The following LAMB1 variants were observed in gnomAD, a reference collection of about 807,000 sequenced individuals.
LAMB1 encodes laminin subunit beta 1.
Under a neutral mutation model 222.3 loss-of-function variants are expected in LAMB1, and 121 were observed. The observed-to-expected ratio is 0.54, with a 90% CI of 0.47 to 0.63. The LOEUF (loss-of-function observed/expected upper bound fraction) is 0.63, where lower values mean the gene tolerates loss of function less well. Ranked by LOEUF, LAMB1 falls within the 30% of genes least tolerant of loss-of-function variation. The pLI, the probability that LAMB1 is intolerant of heterozygous loss-of-function variation, is 0.00. For missense variants in LAMB1, 2,172 were observed against 2,240.8 expected (o/e 0.97, Z 0.62); for synonymous variants, 794 against 807.2 (o/e 0.98, Z 0.28).
intron 24 of LAMB1, among the ~76,000 whole-genome samples, chr7:107,949,611 C>A (rs1341521029): frequency 2.6e-5 from 4 of 152,136 alleles, no homozygotes; most frequent in African/African-American, 9.7e-5. Context: ...CATTAAGAAC[C>A]AAATTTGGAG....
At chr7:108,001,944 C>A in intron 2 of LAMB1, 1 of 1,454,842 alleles carries the variant, frequency 6.9e-7, no homozygotes, top group South Asian at 1.5e-5. Flanking sequence ...GAAAGAAACC[C>A]ACACACGTCA....
intron 29 of LAMB1, 135 bp downstream of exon 29, chr7:107,931,221 A>T: frequency 1.4e-6 from 1 of 727,956 alleles, no homozygotes; most frequent in Non-Finnish European, 2.2e-6. Context: ...AAGAAGTGGA[A>T]ACATTTAATA....
intron 22 of LAMB1, among the ~76,000 whole-genome samples, 184 bp downstream of exon 22, chr7:107,953,346 G>GA (rs2033300069): frequency 7.2e-6 from 1 of 138,594 alleles, no homozygotes; most frequent in African/African-American, 2.8e-5. Context: ...GATAGAGTGA[G>GA]ACTCTGTCTC....
chr7:107,947,421 A>G (rs188487637), intron 24 of LAMB1, among the ~76,000 whole-genome samples: 2 of 152,300 alleles, frequency 1.3e-5, no homozygotes, highest in East Asian at 3.9e-4. Context: ...TTCTTTTTGC[A>G]TAGTTCCATC....
Position 108,003,000 on chromosome 7 carries a change from G to A in LAMB1, c.-86-29C>T, listed in dbSNP as rs566846056. On this transcript the variant is annotated intron_variant, in intron 1 of 33. Coordinates refer to ENST00000222399, the MANE Select transcript of LAMB1 (RefSeq NM_002291.3). ...GAGAGGTGGAAAGGAGGGGAAAAAAGGCAAATGTTCAAAGAGAGAAGAGGC... is the reference window on the plus strand; with the variant it reads ...GAGAGGTGGAAAGGAGGGGAAAAAAAGCAAATGTTCAAAGAGAGAAGAGGC... 1.5e-5 allele frequency: 23 copies of A among 1,555,700 alleles called. No individual in the cohort carries two copies. In the East Asian group the frequency reaches 4.9e-4, roughly 33 times the overall value.
intron 24 of LAMB1, among the ~76,000 whole-genome samples, chr7:107,950,744 T>G (rs1024800888): frequency 2.0e-5 from 3 of 152,236 alleles, no homozygotes; most frequent in Non-Finnish European, 4.4e-5. Flanking sequence ...CAGAGTCTAG[T>G]TGATCCACTG....
intron 9 of LAMB1, 35 bp from the exon 10 acceptor site, chr7:107,975,912 T>C: frequency 1.3e-6 from 2 of 1,589,872 alleles, no homozygotes; most frequent in Non-Finnish European, 1.7e-6. Context: ...AAAAGCTTTT[T>C]AAATCTATGG....
intron 31 of LAMB1, among the ~76,000 whole-genome samples, chr7:107,927,299 A>G (rs1457006054): frequency 6.6e-6 from 1 of 152,154 alleles, no homozygotes; most frequent in Non-Finnish European, 1.5e-5. Flanking sequence ...GTTTAGTTAG[A>G]GGTTCTCTTT....
Position 107,994,931 on chromosome 7 carries a change from A to C in LAMB1, c.379T>G (p.Leu127Val), listed in dbSNP as rs771267886. The C allele has an allele frequency of 3.7e-6, 6 of 1,603,188 alleles. No homozygotes were observed. The South Asian group carries it at 6.6e-5, about 18-fold the overall frequency. ...TGAGTAAAATGGAATTCTGCTTCCA[A>C]ATCCAGTTGGATAGTTACATTTTCC... The part of the protein sequence containing the change: ...GVENVTIQLD[L>V]EAEFHFTHLI... The change falls in exon 5 of 34, where the codon TTG becomes GTG. Residue 127 changes from leucine (L) to valine (V), a missense_variant. Coordinates refer to ENST00000222399, the MANE Select transcript of LAMB1 (RefSeq NM_002291.3).
chr7:107,938,789 G>A (rs1487710061), intron 25 of LAMB1, among the ~76,000 whole-genome samples: 2 of 152,164 alleles, frequency 1.3e-5, no homozygotes, highest in African/African-American at 2.4e-5. Flanking sequence ...TAAATGCATT[G>A]TCACTCTACA....
At chr7:107,967,587 C>G (rs2033660823) in intron 13 of LAMB1, among the ~76,000 whole-genome samples, 1 of 152,194 alleles carries the variant, frequency 6.6e-6, no homozygotes, top group African/African-American at 2.4e-5. Context: ...CAATGAGCCA[C>G]ACTCCTCATA....
rs1286077249 is a variant in LAMB1, at chr7:107,929,255, T to A, written c.4746-50A>T. ...ATATTGTTGCTGAACATGAAAAAAG[T>A]ACTCTCAGTGTTCTTTTCTTTAAAG... On this transcript the variant is annotated intron_variant, in intron 30 of 33. Transcript: ENST00000222399. 7 of 1,597,246 alleles carry A rather than the reference T, an allele frequency of 4.4e-6. No homozygotes were observed. In the Admixed American group the frequency reaches 8.4e-5, roughly 19 times the overall value.
chr7:107,961,509 T>C (rs1361260349), intron 16 of LAMB1, 40 bp downstream of exon 16: 1 of 1,598,604 alleles, frequency 6.3e-7, no homozygotes. Flanking sequence ...CTAATTTGCA[T>C]ATGAAGCCCG....
chr7:107,986,001 TTTG>T lies in LAMB1; in HGVS notation c.676+18_676+20del, dbSNP rs750965056. The T allele has an allele frequency of 3.0e-5, 47 of 1,569,528 alleles. No individual in the cohort carries two copies. Among genetic ancestry groups the T allele is most frequent in the Non-Finnish European group, 4.0e-5 (46 of 1,142,238 alleles). ...AACAAACAAACTAACAAAAAACACT[TTTG>T]TTTGAAAATGAACTTACTCTGTATC... On this transcript the variant is annotated intron_variant, in intron 7 of 33. Transcript: ENST00000222399.
At chr7:107,937,440 T>G (rs549568767) in intron 25 of LAMB1, among the ~76,000 whole-genome samples, 163 bp from the exon 26 acceptor site, 14 of 152,344 alleles carry the variant, frequency 9.2e-5, no homozygotes, top group African/African-American at 3.4e-4. Flanking sequence ...TTATAACAGA[T>G]AGTATTAAAT....
At chr7:107,929,373 A>G (rs767074835) in intron 30 of LAMB1, 39 bp downstream of exon 30, 1 of 1,569,590 alleles carries the variant, frequency 6.4e-7, no homozygotes, top group Admixed American at 1.7e-5. Flanking sequence ...CATGATAGAT[A>G]CACAAAATAA....
chr7:107,953,671 T>C lies in LAMB1; in HGVS notation c.2938A>G (p.Asn980Asp). 1.9e-6 allele frequency: 3 copies of C among 1,614,196 alleles called. No individual in the cohort carries two copies. Among genetic ancestry groups the C allele is most frequent in the Non-Finnish European group, 2.5e-6 (3 of 1,180,022 alleles). Residue 980 changes from asparagine (N) to aspartate (D), a missense_variant, in exon 22 of 34, where the codon AAC (asparagine) becomes GAC (aspartate). Asn to Asp is a conservative substitution (Grantham distance 23). Coordinates refer to ENST00000222399, the MANE Select transcript of LAMB1 (RefSeq NM_002291.3). ...GGSCQPCQCH[N>D]NIDTTDPEAC... The stretch of plus-strand genomic sequence containing the variant: ...TCTGGGTCTGTCGTGTCAATGTTGT[T>C]GTGACACTGGCAAGGCTGACACGAC...
chr7:107,985,462 TA>T (rs1164069618), intron 7 of LAMB1, among the ~76,000 whole-genome samples: 1 of 151,426 alleles, frequency 6.6e-6, no homozygotes, highest in Non-Finnish European at 1.5e-5. Context: ...CCGTCTCTAC[TA>T]AAAATACAAA....
chr7:107,958,149 A>G (rs1005032824), intron 20 of LAMB1, among the ~76,000 whole-genome samples: 1 of 151,916 alleles, frequency 6.6e-6, no homozygotes, highest in African/African-American at 2.4e-5. Context: ...CTTATTCTCC[A>G]TCTCTCTTTG....
Sources: gnomAD v4.1 joint callset for allele counts (sites outside exome capture counted in the v4.1 genomes callset) on GRCh38, gnomAD v4.1.1 for gene constraint, MANE v1.5 for transcripts, NCBI Gene and HGNC (gene_info 2026-07-23, HGNC 2026-07-21) for gene names.